PTPRD: variants seen among roughly 807,000 people sequenced by gnomAD.
PTPRD encodes the protein protein tyrosine phosphatase receptor type D, also known as receptor-type tyrosine-protein phosphatase delta.
Under a neutral mutation model 214.5 loss-of-function variants are expected in PTPRD, and 34 were observed. The ratio of observed to expected loss-of-function variants is 0.16; its 90% confidence interval spans 0.12 to 0.21. The LOEUF (loss-of-function observed/expected upper bound fraction) is 0.21, where lower values mean the gene tolerates loss of function less well. Ranked by LOEUF, PTPRD falls within the 10% of genes least tolerant of loss-of-function variation. The pLI, the probability that PTPRD is intolerant of heterozygous loss-of-function variation, is 1.00. For missense variants in PTPRD, 2,545 were observed against 2,398.7 expected, an observed-to-expected ratio of 1.06 and a Z score of -1.27; for synonymous variants, 1,128 against 845.7, an observed-to-expected ratio of 1.33 and a Z score of -5.79.
At chr9:8,696,737 G>A (rs1189988303) in intron 12 of PTPRD, among the ~76,000 whole-genome samples, 2 of 152,172 alleles carry the variant, frequency 1.3e-5, no homozygotes, top group East Asian at 1.9e-4. Context: ...GTCAACCAAC[G>A]GCCTTGTAAG....
At chr9:10,135,140 T>C (rs970441595) in intron 3 of PTPRD, among the ~76,000 whole-genome samples, 1 of 152,188 alleles carries the variant, frequency 6.6e-6, no homozygotes, top group Non-Finnish European at 1.5e-5. Flanking sequence ...ATCTTGAAGA[T>C]AAGTCCTTTG....
chr9:10,241,536 G>T (rs1396562989), intron 3 of PTPRD, among the ~76,000 whole-genome samples: 4 of 151,864 alleles, frequency 2.6e-5, no homozygotes, highest in Non-Finnish European at 5.9e-5. Flanking sequence ...ACAAACTATT[G>T]ATAAATATAA....
chr9:10,095,059 A>C (rs748395114), intron 3 of PTPRD, among the ~76,000 whole-genome samples: 13 of 151,534 alleles, frequency 8.6e-5, no homozygotes, highest in Non-Finnish European at 1.8e-4. Context: ...TTTTTAAAAA[A>C]TAGAAAACTA....
intron 3 of PTPRD, among the ~76,000 whole-genome samples, chr9:10,170,473 C>T (rs963383799): frequency 6.6e-6 from 1 of 152,100 alleles, no homozygotes; most frequent in African/African-American, 2.4e-5. Flanking sequence ...AGGCAGATCA[C>T]GAGGTCAGGA....
At chr9:8,940,271 C>CCTTTTTTTTTTTTTTTTTTT in intron 11 of PTPRD, among the ~76,000 whole-genome samples, 1 of 74,880 alleles carries the variant, frequency 1.3e-5, no homozygotes, top group Non-Finnish European at 2.7e-5. Flanking sequence ...ATCTCTCTCT[C>CCTTTTTTTTTTTTTTTTTTT]TCTCTCTCCT....
intron 3 of PTPRD, among the ~76,000 whole-genome samples, chr9:10,130,326 T>C (rs1218554683): frequency 6.6e-6 from 1 of 152,108 alleles, no homozygotes; most frequent in Non-Finnish European, 1.5e-5. Flanking sequence ...TAACATACCA[T>C]TTTTTTCTGT....
chr9:8,633,709 G>A (rs529651439), intron 13 of PTPRD, among the ~76,000 whole-genome samples: 1 of 152,078 alleles, frequency 6.6e-6, no homozygotes, highest in South Asian at 2.1e-4. Flanking sequence ...AACTACCAGG[G>A]TTTATTCATT....
chr9:8,627,238 A>C (rs1236183267), intron 14 of PTPRD, among the ~76,000 whole-genome samples: 1 of 151,910 alleles, frequency 6.6e-6, no homozygotes, highest in East Asian at 2.0e-4. Context: ...AATATCTTGT[A>C]TATAAAGTAA....
chr9:10,585,432 G>T (rs998715525), intron 2 of PTPRD, among the ~76,000 whole-genome samples: 4 of 150,698 alleles, frequency 2.7e-5, no homozygotes, highest in Non-Finnish European at 5.9e-5. Flanking sequence ...GAAGTCAAAA[G>T]ACAGACATAT....
intron 11 of PTPRD, among the ~76,000 whole-genome samples, chr9:8,762,643 C>G (rs1237482355): frequency 6.6e-6 from 1 of 152,146 alleles, no homozygotes; most frequent in Non-Finnish European, 1.5e-5. Context: ...CCTGCTGCAG[C>G]ATGATGAGTG....
intron 39 of PTPRD, among the ~76,000 whole-genome samples, chr9:8,353,721 A>C (rs145771785): frequency 7.5e-4 from 114 of 152,000 alleles, no homozygotes; most frequent in East Asian, 6.4e-3. Context: ...GGCATGAGCC[A>C]CTGCACCCAG....
intron 2 of PTPRD, among the ~76,000 whole-genome samples, chr9:10,367,424 G>A (rs2097536114): frequency 1.3e-5 from 2 of 152,054 alleles, no homozygotes. Flanking sequence ...TACCTACTGT[G>A]TTACCGTTTG....
intron 3 of PTPRD, among the ~76,000 whole-genome samples, chr9:10,202,117 G>T (rs2099428571): frequency 6.6e-6 from 1 of 152,026 alleles, no homozygotes; most frequent in African/African-American, 2.4e-5. Flanking sequence ...GAAGTAAATG[G>T]TAGCTGCCCT....
chr9:8,443,932 T>G (rs2095633650), intron 34 of PTPRD, among the ~76,000 whole-genome samples: 1 of 152,216 alleles, frequency 6.6e-6, no homozygotes, highest in East Asian at 1.9e-4. Context: ...CACCATCTTT[T>G]AATAATATTA....
At chr9:9,191,393 G>C (rs145071958) in intron 9 of PTPRD, among the ~76,000 whole-genome samples, 1 of 152,192 alleles carries the variant, frequency 6.6e-6, no homozygotes, top group East Asian at 1.9e-4. Flanking sequence ...AGTCCTGGCT[G>C]ATACCCTGAT....
intron 3 of PTPRD, among the ~76,000 whole-genome samples, chr9:10,217,021 G>A (rs946812920): frequency 6.6e-6 from 1 of 151,798 alleles, no homozygotes; most frequent in African/African-American, 2.4e-5. Context: ...CTATAATCCT[G>A]CAATTAGGAC....
intron 3 of PTPRD, among the ~76,000 whole-genome samples, chr9:10,120,205 A>G (rs2098763899): frequency 6.6e-6 from 1 of 151,800 alleles, no homozygotes; most frequent in Non-Finnish European, 1.5e-5. Flanking sequence ...CAAATGAATT[A>G]CTTGCATTAT....
At chr9:9,294,652 G>C (rs1451152749) in intron 9 of PTPRD, among the ~76,000 whole-genome samples, 1 of 151,616 alleles carries the variant, frequency 6.6e-6, no homozygotes, top group Non-Finnish European at 1.5e-5. Context: ...CCAAGATGGA[G>C]GCCGTCTATC....
chr9:8,449,330 C>T (rs576735998), intron 34 of PTPRD, among the ~76,000 whole-genome samples: 9 of 151,412 alleles, frequency 5.9e-5, no homozygotes, highest in African/African-American at 2.2e-4. Flanking sequence ...CAAATCTATG[C>T]TTTCCCATGG....
Sources: allele counts gnomAD v4.1 joint callset (sites outside exome capture counted in the v4.1 genomes callset), GRCh38; gene constraint gnomAD v4.1.1; transcripts MANE v1.5; gene names NCBI Gene and HGNC (gene_info 2026-07-23, HGNC 2026-07-21).